The following GNA15 variants were observed in gnomAD, a reference collection of about 807,000 sequenced individuals.
GNA15 encodes G protein subunit alpha 15.
Under a neutral mutation model 40.1 loss-of-function variants are expected in GNA15, and 23 were observed. The observed-to-expected ratio is 0.57, with a 90% CI of 0.41 to 0.81. GNA15 has a LOEUF of 0.81. GNA15 is among the 40% of genes least tolerant of loss of function. The probability of loss-of-function intolerance (pLI) is 0.00; values close to 1 mark genes in which losing one functional copy is unlikely to be tolerated. For missense variants in GNA15, 522 were observed against 515.8 expected (o/e 1.01, Z -0.12); for synonymous variants, 226 against 210.4 (o/e 1.07, Z -0.64).
chr19:3,158,621 T>C (rs931757659), intron 6 of GNA15, among the ~76,000 whole-genome samples: 1 of 152,108 alleles, frequency 6.6e-6, no homozygotes, highest in African/African-American at 2.4e-5. Context: ...TTTCTTTCTT[T>C]CTTCTATTTT....
intron 2 of GNA15, 150 bp downstream of exon 2, chr19:3,148,925 A>T: frequency 1.4e-6 from 1 of 692,170 alleles, no homozygotes; most frequent in Non-Finnish European, 2.4e-6. Context: ...CCCTGGGGCA[A>T]GGCCATGTCC....
rs1321807367 is a variant in GNA15, at chr19:3,151,612, T to TC, written c.486-90dup. On this transcript the variant is annotated intron_variant, in intron 3 of 6. Coordinates refer to ENST00000262958, the MANE Select transcript of GNA15 (RefSeq NM_002068.4). This position sits in a 1 kb window ranked among gnomAD's most constrained non-coding sequence, Gnocchi z 5.0. ...CCCACCTCCACCCAGGGAGCTCTCC[T>TC]CCCCCAGCAGGGTCCTTGCTGGGCC... The TC allele has an allele frequency of 2.1e-6, 3 of 1,404,672 alleles. No homozygotes were observed. The highest frequency in any genetic ancestry group is 2.8e-6 in the Non-Finnish European group (3 of 1,060,292). The allele number at this position is 1,404,672 out of a possible 1,614,324, so 87.0% of individuals were successfully genotyped here.
At position 3,148,868 on chromosome 19, in the gene GNA15, C is replaced by T. The variant is rs1018988819; in HGVS notation, c.330+93C>T. Reference sequence around the variant, plus strand: ...GAGCAGGGCCAAGTTCCCCAGACTTCAGGGCAGGGCAGGGCAGGGCAGGGC... The same window carrying T: ...GAGCAGGGCCAAGTTCCCCAGACTTTAGGGCAGGGCAGGGCAGGGCAGGGC... On this transcript the variant is annotated intron_variant, in intron 2 of 6. Transcript: ENST00000262958. The T allele has an allele frequency of 1.3e-5, 11 of 865,468 alleles. No individual in the cohort carries two copies. The South Asian group carries it at 1.4e-4, about 11-fold the overall frequency. 53.6% of individuals were successfully genotyped at this position (865,468 alleles called of 1,614,324 possible).
At chr19:3,148,850 G>C in intron 2 of GNA15, 75 bp downstream of exon 2, 3 of 1,415,502 alleles carry the variant, frequency 2.1e-6, no homozygotes, top group Non-Finnish European at 2.8e-6. Flanking sequence ...CCGGAGCAGG[G>C]CCAAGTTCCC....
In GNA15 at chr19:3,155,866, A is replaced by G; in HGVS notation, c.658A>G (p.Ile220Val). 1 of 1,613,974 alleles carries G rather than the reference A, an allele frequency of 6.2e-7. No homozygotes were observed. The highest frequency in any genetic ancestry group is 8.5e-7 in the Non-Finnish European group (1 of 1,179,968). ...GGQKSERKKW[I>V]HCFENVIALI... ...CCAGAAGTCAGAGCGTAAGAAATGG[A>G]TCCATTGTTTCGAGAACGTGATCGC... The change falls in exon 5 of 7, where the codon ATC becomes GTC. Residue 220 changes from isoleucine (I) to valine (V), a missense_variant. Coordinates refer to ENST00000262958, the MANE Select transcript of GNA15 (RefSeq NM_002068.4). The surrounding 1 kb of genome is among the most constrained non-coding windows in gnomAD (Gnocchi z 5.6).
At chr19:3,160,224 T>G (rs1480228710) in intron 6 of GNA15, among the ~76,000 whole-genome samples, 1 of 149,348 alleles carries the variant, frequency 6.7e-6, no homozygotes, top group Non-Finnish European at 1.5e-5. Flanking sequence ...GTCTGGTGCC[T>G]TGGTGCTCTT....
chr19:3,150,237 C>A lies in GNA15; in HGVS notation c.437C>A (p.Ala146Asp), dbSNP rs1006352290. ...QWLWRDAGIR[A>D]CYERRREFHL... ...CTGTGGAGGGATGCCGGCATCCGGG[C>A]CTGCTATGAGCGTCGGCGGGAATTC... The change falls in exon 3 of 7, where the codon GCC becomes GAC. Residue 146 changes from alanine to aspartate, a missense_variant. Physicochemically the swap from Ala to Asp is moderately radical, Grantham distance 126. Transcript: ENST00000262958. 3.1e-6 allele frequency: 5 copies of A among 1,609,838 alleles called. No homozygotes were observed. Among genetic ancestry groups the A allele is most frequent in the South Asian group, 1.1e-5 (1 of 90,736 alleles).
chr19:3,152,057 G>A (rs1351407610), intron 4 of GNA15, among the ~76,000 whole-genome samples: 1 of 152,206 alleles, frequency 6.6e-6, no homozygotes, highest in Non-Finnish European at 1.5e-5. Flanking sequence ...AGATCCAGGA[G>A]GGAATATCTT....
In GNA15 at chr19:3,151,428, C is replaced by T. The variant is rs569096098; in HGVS notation, c.486-279C>T. Among the ~76,000 whole-genome samples, 2 of 152,230 alleles carry T rather than the reference C, an allele frequency of 1.3e-5. No individual in the cohort carries two copies. Among genetic ancestry groups the T allele is most frequent in the South Asian group, 4.1e-4 (2 of 4,830 alleles). The stretch of plus-strand genomic sequence containing the variant: ...ATTCTTGGGGTAGCGCCACCCCTGC[C>T]ATAGCAGCTCTCCCGGGGGACACCA... On this transcript the variant is annotated intron_variant, in intron 3 of 6. Transcript: ENST00000262958. This position sits in a 1 kb window ranked among gnomAD's most constrained non-coding sequence, Gnocchi z 5.0.
chr19:3,148,577 T>A lies in GNA15; in HGVS notation c.146-14T>A. On this transcript the variant is annotated splice_polypyrimidine_tract_variant and intron_variant, in intron 1 of 6. Transcript: ENST00000262958. ...CCCGTGGAGGGCTGAGCGGTTCTGC[T>A]GCTCCATCCCCAGGCCCAGGCGAGA... 1 of 1,557,540 alleles carries A rather than the reference T, an allele frequency of 6.4e-7. No homozygotes were observed. The highest frequency in any genetic ancestry group is 1.2e-5 in the South Asian group (1 of 84,622).
intron 1 of GNA15, among the ~76,000 whole-genome samples, chr19:3,141,297 A>C (rs1372348975): frequency 6.6e-6 from 1 of 152,210 alleles, no homozygotes; most frequent in Non-Finnish European, 1.5e-5. Context: ...CTCTAAACAA[A>C]AACAAAAAAA....
rs953022454 is a variant in GNA15 at position 3,150,726 on chromosome 19, C to T, written c.485+441C>T. Among the ~76,000 whole-genome samples the T allele has an allele frequency of 2.0e-5, 3 of 151,544 alleles. No homozygotes were observed. In the South Asian group the frequency reaches 6.3e-4, roughly 32 times the overall value. On this transcript the variant is annotated intron_variant, in intron 3 of 6. Coordinates refer to ENST00000262958, the MANE Select transcript of GNA15 (RefSeq NM_002068.4). Reference sequence around the variant, plus strand: ...ACCCTGTTTCAGGGGTGACCCTGTTCCTGGGGGAACCGTATTCCTAGAGTG... The same window carrying T: ...ACCCTGTTTCAGGGGTGACCCTGTTTCTGGGGGAACCGTATTCCTAGAGTG...
Position 3,145,362 on chromosome 19 carries a change from T to A in GNA15, c.146-3229T>A, listed in dbSNP as rs1349116059. 3.9e-3 allele frequency among the ~76,000 whole-genome samples: 491 copies of A among 126,402 alleles called. 1 individual carries two copies. The highest frequency in any genetic ancestry group is 0.014 in the East Asian group (60 of 4,166). The allele number at this position is 126,402 out of a possible 152,430, so 82.9% of individuals were successfully genotyped here. A position where few individuals can be genotyped will look rare whatever the true frequency, so the allele number is the denominator to read the frequency against. On this transcript the variant is annotated intron_variant, in intron 1 of 6. Coordinates refer to ENST00000262958, the MANE Select transcript of GNA15 (RefSeq NM_002068.4). The stretch of plus-strand genomic sequence containing the variant: ...ATATATATATATATATATATATATT[T>A]TTTTTTTTTTGTAGAGATGGGGTCT...
chr19:3,152,184 G>A lies in GNA15; in HGVS notation c.614+349G>A, dbSNP rs115652782. ...AGACTATACAGTCAGGACCAGGTCTGGGGAGGCCTGGTCTGGGGAGCTCAG... is the reference window on the plus strand; with the variant it reads ...AGACTATACAGTCAGGACCAGGTCTAGGGAGGCCTGGTCTGGGGAGCTCAG... On this transcript the variant is annotated intron_variant, in intron 4 of 6. Transcript: ENST00000262958. Among the ~76,000 whole-genome samples, 749 of 152,260 alleles carry A rather than the reference G, an allele frequency of 4.9e-3. 2 individuals are homozygous for A. The highest frequency in any genetic ancestry group is 0.017 in the African/African-American group (711 of 41,530).
chr19:3,144,813 C>A (rs1041145181), intron 1 of GNA15, among the ~76,000 whole-genome samples: 2 of 149,720 alleles, frequency 1.3e-5, no homozygotes, highest in African/African-American at 2.5e-5. Flanking sequence ...CAGGCGTGAG[C>A]CACCGGGCCC....
At chr19:3,140,473 T>C (rs1450323864) in intron 1 of GNA15, among the ~76,000 whole-genome samples, 14 of 152,180 alleles carry the variant, frequency 9.2e-5, no homozygotes. Flanking sequence ...TTTCACTCCA[T>C]GTAGGTCTCA....
intron 3 of GNA15, among the ~76,000 whole-genome samples, chr19:3,150,975 CCCTGTTCCTAGGGGTGAT>C (rs1914868734): frequency 6.6e-6 from 1 of 151,236 alleles, no homozygotes; most frequent in Non-Finnish European, 1.5e-5. Context: ...CCTGGAGTGA[CCCTGTTCCTAGGGGTGAT>C]CCTGTTCCTG....
intron 1 of GNA15, among the ~76,000 whole-genome samples, chr19:3,137,519 C>T (rs987566301): frequency 2.0e-5 from 3 of 152,170 alleles, no homozygotes; most frequent in African/African-American, 7.2e-5. Flanking sequence ...CATGGTGGCT[C>T]ATGCCTGTAA....
rs1274080589 is a variant in GNA15, at chr19:3,163,033, T to G, written c.*14T>G. The G allele has an allele frequency of 4.4e-6, 7 of 1,588,982 alleles. No individual in the cohort carries two copies. The highest frequency in any genetic ancestry group is 6.0e-6 in the Non-Finnish European group (7 of 1,157,770). ...AACCTGCTGTGACCCAGGCCCCACCTGGGGCAGGCGGCACCGGCGGGCGGG... is the reference window on the plus strand; with the variant it reads ...AACCTGCTGTGACCCAGGCCCCACCGGGGGCAGGCGGCACCGGCGGGCGGG... On this transcript the variant is annotated 3_prime_UTR_variant, in exon 7 of 7. Coordinates refer to ENST00000262958, the MANE Select transcript of GNA15 (RefSeq NM_002068.4).
Sources: allele counts gnomAD v4.1 joint callset (sites outside exome capture counted in the v4.1 genomes callset), GRCh38; gene constraint gnomAD v4.1.1; non-coding constraint Gnocchi (gnomAD v3.1); transcripts MANE v1.5; gene names NCBI Gene and HGNC (gene_info 2026-07-23, HGNC 2026-07-21).